NOS1AP: variants seen among roughly 807,000 people sequenced by gnomAD.
NOS1AP encodes carboxyl-terminal PDZ ligand of neuronal nitric oxide synthase protein.
Under a neutral mutation model 56.2 loss-of-function variants are expected in NOS1AP, and 21 were observed. The ratio of observed to expected loss-of-function variants is 0.37; its 90% CI spans 0.26 to 0.54. The LOEUF (loss-of-function observed/expected upper bound fraction) is 0.54, where lower values mean the gene tolerates loss of function less well. Ranked by LOEUF, NOS1AP falls within the 20% of genes least tolerant of loss-of-function variation. The pLI is 0.84. For missense variants in NOS1AP, 522 were observed against 657.8 expected, an observed-to-expected ratio of 0.79 and a Z score of 2.26; for synonymous variants, 270 against 274.6, an observed-to-expected ratio of 0.98 and a Z score of 0.17.
At chr1:162,233,651 T>A (rs2101672080) in intron 2 of NOS1AP, among the ~76,000 whole-genome samples, 1 of 152,298 alleles carries the variant, frequency 6.6e-6, no homozygotes, top group Non-Finnish European at 1.5e-5. Flanking sequence ...CTTGATGAAC[T>A]TTTATCATTT....
At chr1:162,150,162 G>A (rs996086332) in intron 1 of NOS1AP, among the ~76,000 whole-genome samples, 3 of 151,844 alleles carry the variant, frequency 2.0e-5, no homozygotes, top group African/African-American at 7.3e-5. Context: ...GGTAACCATT[G>A]TTCTACTCTC....
rs73017371 is a variant in NOS1AP at position 162,216,920 on chromosome 1, A to G, written c.177+62444A>G. 8.8e-3 allele frequency among the ~76,000 whole-genome samples: 1,337 copies of G among 152,290 alleles called. 22 individuals carry two copies. Among genetic ancestry groups the G allele is most frequent in the African/African-American group, 0.031 (1,273 of 41,550 alleles). On this transcript the variant is annotated intron_variant, in intron 2 of 9. Transcript: ENST00000361897. ...TGGTTTTGGTAGGATTAGATGAGTTAACACATATAGCAAATTTAAAGGTGG... is the reference window on the plus strand; with the variant it reads ...TGGTTTTGGTAGGATTAGATGAGTTGACACATATAGCAAATTTAAAGGTGG...
intron 1 of NOS1AP, among the ~76,000 whole-genome samples, chr1:162,153,404 C>T (rs369646683): frequency 6.6e-6 from 1 of 152,320 alleles, no homozygotes; most frequent in South Asian, 2.1e-4. Flanking sequence ...ACCAGAATTA[C>T]AGGCATGAGC....
chr1:162,084,984 T>C (rs1691971626), intron 1 of NOS1AP, among the ~76,000 whole-genome samples: 1 of 152,116 alleles, frequency 6.6e-6, no homozygotes, highest in Admixed American at 6.5e-5. Flanking sequence ...TCTATGGTAT[T>C]TTTCTGGAGT....
At chr1:162,117,714 C>T (rs1390088708) in intron 1 of NOS1AP, among the ~76,000 whole-genome samples, 1 of 152,218 alleles carries the variant, frequency 6.6e-6, no homozygotes, top group African/African-American at 2.4e-5. Context: ...GCTAAAGTGC[C>T]TTTTAGTTCT....
chr1:162,148,170 G>A (rs543307280), intron 1 of NOS1AP, among the ~76,000 whole-genome samples: 6 of 152,294 alleles, frequency 3.9e-5, no homozygotes, highest in South Asian at 4.1e-4. Context: ...CTCAGATGCC[G>A]GAACACCAGG....
At chr1:162,349,729 AC>A (rs1397026524) in intron 6 of NOS1AP, among the ~76,000 whole-genome samples, 3 of 152,178 alleles carry the variant, frequency 2.0e-5, no homozygotes, top group Admixed American at 2.0e-4. Flanking sequence ...AGAATACATG[AC>A]CTCATCTGTA....
At chr1:162,327,246 T>C (rs1256169349) in intron 4 of NOS1AP, among the ~76,000 whole-genome samples, 3 of 152,120 alleles carry the variant, frequency 2.0e-5, no homozygotes, top group African/African-American at 4.8e-5. Context: ...AGAACATATG[T>C]AATTTTAAAA....
chr1:162,355,263 A>G lies in NOS1AP; in HGVS notation c.672A>G (p.Pro224=). The G allele has an allele frequency of 6.2e-7, 1 of 1,614,160 alleles. No homozygotes were observed. Among genetic ancestry groups the G allele is most frequent in the Non-Finnish European group, 8.5e-7 (1 of 1,180,028 alleles). The part of the protein sequence containing the change: ...EETDIDAVEV[P]LPGNDVLEFS... ...CTGACATCGATGCGGTGGAGGTCCCACTTCCAGGGAATGATGTCCTGGAAT... is the reference window on the plus strand; with the variant it reads ...CTGACATCGATGCGGTGGAGGTCCCGCTTCCAGGGAATGATGTCCTGGAAT... Residue 224 remains proline (P), a synonymous_variant, in exon 7 of 10, where the codon CCA becomes CCG. Transcript: ENST00000361897.
At chr1:162,082,265 A>G (rs774514998) in intron 1 of NOS1AP, among the ~76,000 whole-genome samples, 19 of 152,130 alleles carry the variant, frequency 1.2e-4, no homozygotes, top group Admixed American at 6.5e-5. Flanking sequence ...TGCAAAGGAC[A>G]TGATCTCGTA....
intron 2 of NOS1AP, among the ~76,000 whole-genome samples, chr1:162,232,883 A>G (rs1023860630): frequency 7.9e-5 from 12 of 152,310 alleles, no homozygotes; most frequent in South Asian, 4.1e-4. Context: ...TATGATACAT[A>G]GGTATGGTTG....
intron 3 of NOS1AP, among the ~76,000 whole-genome samples, chr1:162,292,030 C>G (rs1655297223): frequency 6.6e-6 from 1 of 152,170 alleles, no homozygotes; most frequent in African/African-American, 2.4e-5. Context: ...CTCTTATGAA[C>G]CAATAACTTT....
chr1:162,217,266 G>GTTTTTTTTTTTTTTTT, intron 2 of NOS1AP, among the ~76,000 whole-genome samples: 1 of 18,290 alleles, frequency 5.5e-5, no homozygotes, highest in Non-Finnish European at 1.5e-4. Context: ...GCTGTTGTTA[G>GTTTTTTTTTTTTTTTT]CTTTTTTTTT....
chr1:162,325,149 C>G (rs1656543340), intron 4 of NOS1AP, among the ~76,000 whole-genome samples: 1 of 152,036 alleles, frequency 6.6e-6, no homozygotes, highest in South Asian at 2.1e-4. Context: ...ACAATAACTT[C>G]AAATAAAAGC....
intron 1 of NOS1AP, among the ~76,000 whole-genome samples, chr1:162,093,298 C>T (rs1408474834): frequency 1.3e-5 from 2 of 152,068 alleles, no homozygotes; most frequent in African/African-American, 4.8e-5. Flanking sequence ...AAGCCAGGCA[C>T]TGTGCTAGAT....
chr1:162,216,017 G>A lies in NOS1AP; in HGVS notation c.177+61541G>A, dbSNP rs73017366. On this transcript the variant is annotated intron_variant, in intron 2 of 9. Coordinates refer to ENST00000361897, the MANE Select transcript of NOS1AP (RefSeq NM_014697.3). ...TCCGTGTGTGTTCACCCGTTTGTGG[G>A]ATGGCGAGTGGAGACCATGCTGAGC... Among the ~76,000 whole-genome samples, 675 of 152,282 alleles carry A rather than the reference G, an allele frequency of 4.4e-3. 3 individuals carry two copies. Among genetic ancestry groups the A allele is most frequent in the African/African-American group, 0.016 (649 of 41,544 alleles).
At chr1:162,138,766 C>T (rs1170689728) in intron 1 of NOS1AP, among the ~76,000 whole-genome samples, 1 of 152,226 alleles carries the variant, frequency 6.6e-6, no homozygotes. Context: ...CTACAGGCAG[C>T]ACCTGTGGCA....
At chr1:162,265,607 T>A (rs1488655221) in intron 2 of NOS1AP, among the ~76,000 whole-genome samples, 4 of 152,184 alleles carry the variant, frequency 2.6e-5, no homozygotes, top group African/African-American at 9.7e-5. Context: ...ATACGCAGTT[T>A]CAATTTTATG....
intron 2 of NOS1AP, among the ~76,000 whole-genome samples, chr1:162,275,562 T>C (rs1654707029): frequency 6.6e-6 from 1 of 152,212 alleles, no homozygotes; most frequent in Admixed American, 6.5e-5. Flanking sequence ...TCACTCTCAG[T>C]AGTTCATTCT....
Sources: gnomAD v4.1 joint callset for allele counts (sites outside exome capture counted in the v4.1 genomes callset) on GRCh38, gnomAD v4.1.1 for gene constraint, MANE v1.5 for transcripts, NCBI Gene and HGNC (gene_info 2026-07-23, HGNC 2026-07-21) for gene names.